Variants in LRRC37A observed in about 807,000 individuals in gnomAD.
LRRC37A encodes leucine rich repeat containing 37A.
Under a neutral mutation model 35.4 loss-of-function variants are expected in LRRC37A, and 3 were observed. The observed-to-expected ratio is 0.08, with a 90% CI of 0.04 to 0.22. LRRC37A has a LOEUF of 0.22. Ranked by LOEUF, LRRC37A falls within the 10% of genes least tolerant of loss-of-function variation. The pLI, the probability that LRRC37A is intolerant of heterozygous loss-of-function variation, is 1.00. For missense variants in LRRC37A, 67 were observed against 565.3 expected (o/e 0.12, Z 8.94); for synonymous variants, 23 against 215.0 (o/e 0.11, Z 7.81).
upstream of LRRC37A, among the ~76,000 whole-genome samples, chr17:46,291,969 C>CAAAAAAAAAAAAAAAAAAAAAAAAAAAA (rs59554870): frequency 1.7e-5 from 1 of 58,090 alleles, no homozygotes; most frequent in African/African-American, 7.2e-5. Context: ...TCTCAAAAAG[C>CAAAAAAAAAAAAAAAAAAAAAAAAAAAA]AAAAAAAAAA....
the LRRC37A span, among the ~76,000 whole-genome samples, chr17:46,248,991 G>A: frequency 1.2e-4 from 18 of 151,914 alleles, no homozygotes; most frequent in Non-Finnish European, 2.2e-4. Context: ...AATAAAAACA[G>A]TAGAAAATTT....
the LRRC37A span, among the ~76,000 whole-genome samples, chr17:46,286,927 T>A: frequency 6.6e-6 from 1 of 152,226 alleles, no homozygotes; most frequent in South Asian, 2.1e-4. Context: ...ACATTCTCCA[T>A]AATAGCAGTT....
At chr17:46,289,784 A>C (rs1461484905), upstream of LRRC37A, among the ~76,000 whole-genome samples, 1 of 152,262 alleles carries the variant, frequency 6.6e-6, no homozygotes, top group East Asian at 1.9e-4. Flanking sequence ...AAGAGTTTTT[A>C]ATTTTTTTAA....
At chr17:46,260,565 C>T in the LRRC37A span, 1,393 of 1,510,940 alleles carry the variant, frequency 9.2e-4, 133 homozygotes, top group Middle Eastern at 5.5e-3. Context: ...GCGCCGCCTT[C>T]ACCCTCTCAC....
chr17:46,336,571 TA>T (rs1165584039), intron 11 of LRRC37A, among the ~76,000 whole-genome samples: 3 of 448 alleles, frequency 6.7e-3, no homozygotes, highest in African/African-American at 9.1e-3. Flanking sequence ...CTGTCTCAAA[TA>T]AAAAAAAAAC....
chr17:46,268,041 A>G, the LRRC37A span, among the ~76,000 whole-genome samples: 5 of 151,688 alleles, frequency 3.3e-5, no homozygotes, highest in South Asian at 1.0e-3. Context: ...AGCTGGGATT[A>G]CAGGCTGAGC....
the LRRC37A span, among the ~76,000 whole-genome samples, chr17:46,259,007 C>T: frequency 3.6e-5 from 5 of 137,362 alleles, no homozygotes; most frequent in Admixed American, 1.5e-4. Context: ...CATGAGCCAC[C>T]GCACCCGGCC....
At chr17:46,267,258 GC>G in the LRRC37A span, 2 of 945,758 alleles carry the variant, frequency 2.1e-6, no homozygotes, top group Non-Finnish European at 3.1e-6. Context: ...TTTCGCTGTT[GC>G]TAAAAACCAA....
chr17:46,260,769 A>G, the LRRC37A span, among the ~76,000 whole-genome samples: 27 of 152,142 alleles, frequency 1.8e-4, no homozygotes, highest in African/African-American at 6.0e-4. Context: ...GATTACAGGC[A>G]TGCGCCACCA....
upstream of LRRC37A, among the ~76,000 whole-genome samples, chr17:46,290,169 G>T (rs1457497710): frequency 6.6e-6 from 1 of 152,194 alleles, no homozygotes; most frequent in Non-Finnish European, 1.5e-5. Flanking sequence ...TCACTTGATC[G>T]CCCCGGCTAG....
chr17:46,261,419 T>C, the LRRC37A span, among the ~76,000 whole-genome samples: 1 of 152,136 alleles, frequency 6.6e-6, no homozygotes, highest in African/African-American at 2.4e-5. Flanking sequence ...ATTTGTAATT[T>C]TTTTTTTCTT....
chr17:46,279,092 C>T, the LRRC37A span, among the ~76,000 whole-genome samples: 1 of 152,160 alleles, frequency 6.6e-6, no homozygotes, highest in Non-Finnish European at 1.5e-5. Flanking sequence ...GCCACTGTTC[C>T]TGGCCCAATG....
At chr17:46,276,755 T>C in the LRRC37A span, among the ~76,000 whole-genome samples, 2 of 152,224 alleles carry the variant, frequency 1.3e-5, no homozygotes, top group East Asian at 1.9e-4. Flanking sequence ...GTTGTCTTTA[T>C]ACAATTCTTT....
chr17:46,282,261 C>A, the LRRC37A span, among the ~76,000 whole-genome samples: 1 of 152,026 alleles, frequency 6.6e-6, no homozygotes, highest in Non-Finnish European at 1.5e-5. Context: ...TGCCACCACG[C>A]CCGCCTAATT....
At chr17:46,260,645 C>T in the LRRC37A span, 127,925 of 1,010,434 alleles carry the variant, frequency 0.13, 1 homozygote, top group Non-Finnish European at 0.15. Flanking sequence ...TTTTTTGAGA[C>T]GTAGTTTCAC....
chr17:46,261,735 TAA>T, the LRRC37A span, among the ~76,000 whole-genome samples: 15 of 86,416 alleles, frequency 1.7e-4, no homozygotes, highest in Admixed American at 1.1e-4. Context: ...TTTTAACCAC[TAA>T]AAAAAAAAAA....
chr17:46,288,305 CTTTTT>C (rs78255121), upstream of LRRC37A, among the ~76,000 whole-genome samples: 1 of 112,248 alleles, frequency 8.9e-6, no homozygotes, highest in East Asian at 3.0e-4. Flanking sequence ...CCAGGCCCGG[CTTTTT>C]TTTTTTTTTT....
chr17:46,248,879 A>G, the LRRC37A span, among the ~76,000 whole-genome samples: 19,701 of 151,746 alleles, frequency 0.13, 1 homozygote, highest in Middle Eastern at 0.2. Context: ...ACCCATCACT[A>G]CAGCTGGCCC....
the LRRC37A span, among the ~76,000 whole-genome samples, chr17:46,269,864 A>G: frequency 6.6e-6 from 1 of 152,212 alleles, no homozygotes; most frequent in Non-Finnish European, 1.5e-5. Flanking sequence ...TTTGAGCCCT[A>G]AAGGTTTGAG....
Sources: allele counts gnomAD v4.1 joint callset (sites outside exome capture counted in the v4.1 genomes callset), GRCh38; gene constraint gnomAD v4.1.1; transcripts MANE v1.5; gene names NCBI Gene and HGNC (gene_info 2026-07-23, HGNC 2026-07-21).